The following SCTR variants were observed in gnomAD, a reference collection of about 807,000 sequenced individuals.
The protein encoded by SCTR is secretin receptor.
Under a neutral mutation model 60.8 loss-of-function variants are expected in SCTR, and 56 were observed. The ratio of observed to expected loss-of-function variants is 0.92; its 90% CI spans 0.74 to 1.15. SCTR has a LOEUF of 1.15. Among genes scored for constraint, SCTR ranks in the 50% most tolerant of loss-of-function variants. The pLI, the probability that SCTR is intolerant of heterozygous loss-of-function variation, is 0.00. For synonymous variants in SCTR, 202 were observed against 217.0 expected (o/e 0.93, Z 0.61); for missense variants, 562 against 550.4 (o/e 1.02, Z -0.21).
At chr2:119,446,997 T>C in intron 10 of SCTR, 112 bp from the exon 11 acceptor site, 1 of 1,150,042 alleles carries the variant, frequency 8.7e-7, no homozygotes, top group East Asian at 2.9e-5. Flanking sequence ...TGAGGCTGGC[T>C]AGCAGTACCC....
chr2:119,477,567 C>T (rs1330914203), intron 3 of SCTR, among the ~76,000 whole-genome samples: 7 of 152,146 alleles, frequency 4.6e-5, no homozygotes, highest in South Asian at 2.1e-4. Context: ...TCTCGTGCCT[C>T]GGCCTCCTGA....
At chr2:119,467,610 T>G (rs1325916693) in intron 4 of SCTR, among the ~76,000 whole-genome samples, 1 of 152,200 alleles carries the variant, frequency 6.6e-6, no homozygotes, top group African/African-American at 2.4e-5. Flanking sequence ...TTGACCTCCC[T>G]TCTACCTTCA....
intron 1 of SCTR, among the ~76,000 whole-genome samples, chr2:119,516,679 G>A (rs1286127490): frequency 3.3e-5 from 5 of 152,256 alleles, no homozygotes; most frequent in Admixed American, 2.6e-4. Flanking sequence ...ACTGTATCGG[G>A]CCGGGTGTGG....
intron 1 of SCTR, among the ~76,000 whole-genome samples, chr2:119,509,064 T>C (rs1361579543): frequency 6.6e-6 from 1 of 152,214 alleles, no homozygotes; most frequent in African/African-American, 2.4e-5. Context: ...GTGGGCGAGG[T>C]GTACTTCTTT....
At chr2:119,513,803 A>G (rs1679029659) in intron 1 of SCTR, among the ~76,000 whole-genome samples, 2 of 152,284 alleles carry the variant, frequency 1.3e-5, no homozygotes, top group East Asian at 3.9e-4. Context: ...GGTGTTCTTC[A>G]AGGAGCCCTT....
chr2:119,512,632 G>C lies in SCTR; in HGVS notation c.72+11523C>G, dbSNP rs527758587. Among the ~76,000 whole-genome samples the C allele has an allele frequency of 4.6e-4, 70 of 152,208 alleles. No homozygotes were observed. In the South Asian group the frequency reaches 0.014, roughly 31 times the overall value. On this transcript the variant is annotated intron_variant, in intron 1 of 12. Transcript: ENST00000019103. ...GGCTGGTCTCCAACTCCTGACCTCAGGTGATCAACCCTCCTCAGCCTCCCA... is the reference window on the plus strand; with the variant it reads ...GGCTGGTCTCCAACTCCTGACCTCACGTGATCAACCCTCCTCAGCCTCCCA...
intron 1 of SCTR, among the ~76,000 whole-genome samples, chr2:119,521,853 G>T (rs1048120896): frequency 6.6e-6 from 1 of 151,996 alleles, no homozygotes; most frequent in East Asian, 1.9e-4. Context: ...AACCAAAGTA[G>T]GTCAGTTCCA....
At chr2:119,494,327 C>T in intron 2 of SCTR, 101 bp downstream of exon 2, 1 of 1,340,808 alleles carries the variant, frequency 7.5e-7, no homozygotes. Context: ...CTGGACCAGC[C>T]TCCCACATCC....
At chr2:119,478,993 G>A (rs894512253) in intron 2 of SCTR, 75 bp from the exon 3 acceptor site, 29 of 1,586,638 alleles carry the variant, frequency 1.8e-5, no homozygotes, top group South Asian at 1.0e-4. Flanking sequence ...CCACATCACC[G>A]ACACCCTTGC....
At chr2:119,464,554 CAT>C (rs1370569079) in intron 5 of SCTR, among the ~76,000 whole-genome samples, 2 of 151,838 alleles carry the variant, frequency 1.3e-5, no homozygotes, top group Non-Finnish European at 2.9e-5. Flanking sequence ...ATGAGTTCAA[CAT>C]ATTGAGACTT....
intron 1 of SCTR, among the ~76,000 whole-genome samples, chr2:119,516,955 C>T (rs969746208): frequency 5.3e-5 from 8 of 152,014 alleles, no homozygotes; most frequent in East Asian, 3.9e-4. Flanking sequence ...GCAAAAAGAG[C>T]GAAATTCTGT....
Position 119,524,178 on chromosome 2 carries a change from G to A in SCTR, c.49C>T (p.Leu17=). The part of the protein sequence containing the change: ...PPLQQLLLPV[L]LACAAHSTGA... ...ACCGAGTGCGCGGCGCAGGCGAGCA[G>A]CACCGGCAGTAGTAGCTGCTGCAGC... The change falls in exon 1 of 13, where the codon CTG becomes TTG. Residue 17 remains leucine, a synonymous_variant. Transcript: ENST00000019103. The A allele has an allele frequency of 6.5e-7, 1 of 1,532,902 alleles. No homozygotes were observed. The highest frequency in any genetic ancestry group is 1.2e-5 in the South Asian group (1 of 83,364). 95.0% of individuals were successfully genotyped at this position (1,532,902 alleles called of 1,614,324 possible).
chr2:119,494,100 G>A (rs183752449), intron 2 of SCTR, among the ~76,000 whole-genome samples: 193 of 152,302 alleles, frequency 1.3e-3, no homozygotes, highest in African/African-American at 4.2e-3. Context: ...GGAGGTGGGA[G>A]GATGAATGAG....
Position 119,478,923 on chromosome 2 carries a change from C to G in SCTR, c.194-5G>C. ...TGTCCCACATCCCCTCACAACCTGC[C>G]AAGAAAAGCAGCATCAGACAAGGAT... On this transcript the variant is annotated splice_polypyrimidine_tract_variant and splice_region_variant and intron_variant, in intron 2 of 12. Coordinates refer to ENST00000019103, the MANE Select transcript of SCTR (RefSeq NM_002980.3). 1 of 1,614,056 alleles carries G rather than the reference C, an allele frequency of 6.2e-7. No individual in the cohort carries two copies. Among genetic ancestry groups the G allele is most frequent in the Non-Finnish European group, 8.5e-7 (1 of 1,179,938 alleles).
chr2:119,481,793 C>T (rs1250561418), intron 2 of SCTR, among the ~76,000 whole-genome samples: 3 of 152,242 alleles, frequency 2.0e-5, no homozygotes, highest in Non-Finnish European at 4.4e-5. Flanking sequence ...AATGAAGGGA[C>T]GCCAGCTGGA....
intron 1 of SCTR, among the ~76,000 whole-genome samples, chr2:119,498,801 G>A (rs558898649): frequency 6.6e-6 from 1 of 151,936 alleles, no homozygotes; most frequent in East Asian, 1.9e-4. Context: ...AGAAGGCAGA[G>A]AAAAGTAAAC....
Position 119,476,061 on chromosome 2 carries a change from C to A in SCTR, c.302-2505G>T, listed in dbSNP as rs1024292169. Reference sequence around the variant, plus strand: ...GTCACATGGACCCCACCCCTCCTGTCAGGACCCATGTAGTAGGTGCCCTCA... The same window carrying A: ...GTCACATGGACCCCACCCCTCCTGTAAGGACCCATGTAGTAGGTGCCCTCA... On this transcript the variant is annotated intron_variant, in intron 3 of 12. Coordinates refer to ENST00000019103, the MANE Select transcript of SCTR (RefSeq NM_002980.3). Among the ~76,000 whole-genome samples the A allele has an allele frequency of 3.9e-5, 6 of 152,278 alleles. No individual in the cohort carries two copies. The East Asian group carries it at 1.2e-3, about 29-fold the overall frequency.
chr2:119,519,112 C>T (rs867515328), intron 1 of SCTR, among the ~76,000 whole-genome samples: 5 of 152,310 alleles, frequency 3.3e-5, no homozygotes, highest in South Asian at 2.1e-4. Context: ...AGATTACAGG[C>T]CACCACGCCC....
intron 2 of SCTR, among the ~76,000 whole-genome samples, chr2:119,488,470 G>A (rs765571570): frequency 9.2e-5 from 14 of 152,248 alleles, no homozygotes; most frequent in Admixed American, 1.3e-4. Context: ...CTGGATGCAC[G>A]GTCAGGACCT....
Sources: gnomAD v4.1 joint callset for allele counts (sites outside exome capture counted in the v4.1 genomes callset) on GRCh38, gnomAD v4.1.1 for gene constraint, MANE v1.5 for transcripts, NCBI Gene and HGNC (gene_info 2026-07-23, HGNC 2026-07-21) for gene names.